BCKDHA: variants seen among roughly 807,000 people sequenced by gnomAD.
BCKDHA encodes branched chain keto acid dehydrogenase E1 subunit alpha, also known as 2-oxoisovalerate dehydrogenase subunit alpha, mitochondrial.
BCKDHA carries 43 observed loss-of-function variants against 52.2 expected under a neutral mutation model. That is an observed-to-expected ratio of 0.82 (90% CI 0.64 to 1.06). BCKDHA has a LOEUF of 1.06. Ranked by LOEUF, BCKDHA falls within the 50% of genes least tolerant of loss-of-function variation. The pLI, the probability that BCKDHA is intolerant of heterozygous loss-of-function variation, is 0.00. For synonymous variants in BCKDHA, 234 were observed against 247.9 expected (o/e 0.94, Z 0.53); for missense variants, 527 against 621.3 (o/e 0.85, Z 1.61).
chr19:41,418,849 A>T (rs2039334040), intron 4 of BCKDHA: 1 of 440,038 alleles, frequency 2.3e-6, no homozygotes, highest in African/African-American at 2.0e-5. Flanking sequence ...CATAGTAATG[A>T]TTTATGGTTA....
Position 41,423,120 on chromosome 19 carries a change from G to A in BCKDHA, c.1118G>A (p.Trp373Ter), listed in dbSNP as rs2122146687. The A allele has an allele frequency of 6.4e-7, 1 of 1,561,986 alleles. No homozygotes were observed. Among genetic ancestry groups the A allele is most frequent in the East Asian group, 2.4e-5 (1 of 42,086 alleles). ...RLRHYLLSQG[W>*]WDEEQEKAWR... The stretch of plus-strand genomic sequence containing the variant: ...CGGCACTATCTGCTGAGCCAAGGCT[G>A]GTGGGATGAGGAGCAGGAGAAGGCC... The change falls in exon 8 of 9, where the codon TGG becomes TAG. Residue 373 changes from tryptophan to a stop codon, truncating the protein, a stop_gained. Transcript: ENST00000269980. LOFTEE classifies it high-confidence loss of function.
intron 1 of BCKDHA, among the ~76,000 whole-genome samples, chr19:41,406,664 G>A (rs2039196621): frequency 6.6e-6 from 1 of 151,964 alleles, no homozygotes; most frequent in Admixed American, 6.6e-5. Context: ...CCGCCTCCCA[G>A]GTTCAAGCCA....
chr19:41,400,960 C>T (rs141071119), intron 1 of BCKDHA, among the ~76,000 whole-genome samples: 3 of 152,012 alleles, frequency 2.0e-5, no homozygotes, highest in East Asian at 3.9e-4. Context: ...TGCAGTGAGC[C>T]GAGATCGCAC....
rs749040007 is a variant in BCKDHA, at chr19:41,423,106, G to T, written c.1104G>T (p.Leu368=). 6 of 1,566,450 alleles carry T rather than the reference G, an allele frequency of 3.8e-6. No individual in the cohort carries two copies. Among genetic ancestry groups the T allele is most frequent in the Non-Finnish European group, 5.2e-6 (6 of 1,155,296 alleles). The change falls in exon 8 of 9, where the codon CTG becomes CTT. Residue 368 remains leucine (L), a synonymous_variant. Coordinates refer to ENST00000269980, the MANE Select transcript of BCKDHA (RefSeq NM_000709.4). ...CCATCTCCCGGCTGCGGCACTATCT[G>T]CTGAGCCAAGGCTGGTGGGATGAGG... ...DHPISRLRHY[L]LSQGWWDEEQ...
intron 4 of BCKDHA, among the ~76,000 whole-genome samples, chr19:41,416,938 G>A (rs2039313128): frequency 6.6e-6 from 1 of 152,116 alleles, no homozygotes; most frequent in Non-Finnish European, 1.5e-5. Flanking sequence ...AAGAAAAGAG[G>A]TAGCATGTGT....
intron 8 of BCKDHA, 118 bp downstream of exon 8, chr19:41,423,287 T>C: frequency 6.8e-7 from 1 of 1,466,268 alleles, no homozygotes; most frequent in Non-Finnish European, 9.1e-7. Context: ...ATGTCTCAGA[T>C]GTGGCCTGTG....
Position 41,410,988 on chromosome 19 carries a change from C to G in BCKDHA, c.354C>G (p.Ile118Met), listed in dbSNP as rs1315011135. 1.9e-6 allele frequency: 3 copies of G among 1,614,126 alleles called. No homozygotes were observed. Among genetic ancestry groups the G allele is most frequent in the Non-Finnish European group, 2.5e-6 (3 of 1,180,036 alleles). The change falls in exon 3 of 9, where the codon ATC becomes ATG. Residue 118 changes from isoleucine to methionine, a missense_variant. Ile to Met is a conservative substitution (Grantham distance 10). Transcript: ENST00000269980. ...CACTGCTTAACACCATGGACCGCAT[C>G]CTCTATGAGTCTCAGCGGCAGGTGC... ...SMTLLNTMDRILYESQRQGRI... is the reference protein window; with the variant it reads ...SMTLLNTMDRMLYESQRQGRI...
Position 41,424,696 on chromosome 19 carries a change from A to C in BCKDHA, c.*88A>C. ...GAGCAGGGGGACCTGACAGCACACC[A>C]CTGTCTTCCCCAGTCAGCTCCCTCT... On this transcript the variant is annotated 3_prime_UTR_variant, in exon 9 of 9. Coordinates refer to ENST00000269980, the MANE Select transcript of BCKDHA (RefSeq NM_000709.4). 7.1e-7 allele frequency: 1 copy of C among 1,410,958 alleles called. No individual in the cohort carries two copies. The highest frequency in any genetic ancestry group is 9.6e-7 in the Non-Finnish European group (1 of 1,040,000). 87.4% of individuals were successfully genotyped at this position (1,410,958 alleles called of 1,614,324 possible). A position where few individuals can be genotyped will look rare whatever the true frequency, so the allele number is the denominator to read the frequency against.
intron 1 of BCKDHA, among the ~76,000 whole-genome samples, chr19:41,404,982 TGTGA>T (rs932694631): frequency 3.3e-5 from 5 of 152,222 alleles, no homozygotes; most frequent in African/African-American, 1.2e-4. Context: ...GGTGAAGCAA[TGTGA>T]GTAAGATCAC....
At chr19:41,404,524 C>T (rs757854576) in intron 1 of BCKDHA, among the ~76,000 whole-genome samples, 1 of 151,986 alleles carries the variant, frequency 6.6e-6, no homozygotes, top group Non-Finnish European at 1.5e-5. Context: ...CTCCCGACCT[C>T]ATGATCCGCC....
At chr19:41,404,750 C>T (rs1215667145) in intron 1 of BCKDHA, among the ~76,000 whole-genome samples, 3 of 152,028 alleles carry the variant, frequency 2.0e-5, no homozygotes, top group Non-Finnish European at 2.9e-5. Flanking sequence ...CGTGCCACCA[C>T]GCCTGGCTAA....
At chr19:41,403,437 G>A (rs2039158861) in intron 1 of BCKDHA, among the ~76,000 whole-genome samples, 1 of 152,178 alleles carries the variant, frequency 6.6e-6, no homozygotes, top group Non-Finnish European at 1.5e-5. Flanking sequence ...TGGGTTCAGT[G>A]AGCACATAGG....
chr19:41,398,436 A>G (rs1018974114), intron 1 of BCKDHA, among the ~76,000 whole-genome samples: 10 of 152,168 alleles, frequency 6.6e-5, no homozygotes, highest in Non-Finnish European at 1.3e-4. Flanking sequence ...TTTTAAAATG[A>G]ATTGTGTAAA....
rs559065632 is a variant in BCKDHA, at chr19:41,411,531, A to G, written c.375+522A>G. Among the ~76,000 whole-genome samples the G allele has an allele frequency of 2.8e-4, 42 of 152,242 alleles. 1 individual carries two copies. Among genetic ancestry groups the G allele is most frequent in the Middle Eastern group, 3.4e-3 (1 of 294 alleles). On this transcript the variant is annotated intron_variant, in intron 3 of 8. Coordinates refer to ENST00000269980, the MANE Select transcript of BCKDHA (RefSeq NM_000709.4). ...CCAGGGGGTCTTCCAGGCAGGAAGT[A>G]GAGGGAAGGCGGAAGGCCAGACATG...
chr19:41,422,696 C>A lies in BCKDHA; in HGVS notation c.921C>A (p.Tyr307Ter), dbSNP rs758972542. The A allele has an allele frequency of 6.2e-7, 1 of 1,614,180 alleles. No individual in the cohort carries two copies. The highest frequency in any genetic ancestry group is 1.1e-5 in the South Asian group (1 of 91,088). The change falls in exon 7 of 9, where the codon TAC becomes TAA. Residue 307 changes from tyrosine (Y) to a stop codon, truncating the protein, a stop_gained. Coordinates refer to ENST00000269980, the MANE Select transcript of BCKDHA (RefSeq NM_000709.4). LOFTEE classifies it high-confidence loss of function. ...RVDGNDVFAV[Y>*]NATKEARRRA... ...ATGGTAATGATGTGTTTGCCGTATA[C>A]AACGCCACAAAGGAGGCCCGACGGC...
chr19:41,424,778 T>TA lies in BCKDHA; in HGVS notation c.*171dup, dbSNP rs1275097092. On this transcript the variant is annotated 3_prime_UTR_variant, in exon 9 of 9. Transcript: ENST00000269980. ...CTTCACCCCTGCTCCTCCCGGCTGT[T>TA]ACATTGTCAGGGGACAGCATCTGCA... 1.5e-4 allele frequency: 108 copies of TA among 709,222 alleles called. No individual in the cohort carries two copies. In the African/African-American group the frequency reaches 1.8e-3, roughly 12 times the overall value. The allele number at this position is 709,222 out of a possible 1,614,324, so 43.9% of individuals were successfully genotyped here.
intron 1 of BCKDHA, among the ~76,000 whole-genome samples, chr19:41,402,550 T>C (rs188721283): frequency 6.6e-6 from 1 of 152,288 alleles, no homozygotes; most frequent in Admixed American, 6.5e-5. Context: ...CAAAACCCAG[T>C]TTCTTTTCAT....
chr19:41,422,116 G>A (rs1354611712), intron 5 of BCKDHA, 48 bp from the exon 6 acceptor site: 1 of 1,554,554 alleles, frequency 6.4e-7, no homozygotes, highest in Admixed American at 1.8e-5. Context: ...ATGAGTGTGA[G>A]TGCATGTGAG....
intron 1 of BCKDHA, among the ~76,000 whole-genome samples, chr19:41,407,725 G>T (rs2039208540): frequency 6.6e-6 from 1 of 152,144 alleles, no homozygotes; most frequent in Non-Finnish European, 1.5e-5. Flanking sequence ...GAAGACGGAG[G>T]GACACATTTG....
Sources: allele counts gnomAD v4.1 joint callset (sites outside exome capture counted in the v4.1 genomes callset), GRCh38; gene constraint gnomAD v4.1.1; transcripts MANE v1.5; gene names NCBI Gene and HGNC (gene_info 2026-07-23, HGNC 2026-07-21).